The following SLC44A1 variants were observed in gnomAD, a reference collection of about 807,000 sequenced individuals.
SLC44A1 encodes solute carrier family 44 member 1, also known as choline transporter-like protein 1.
Under a neutral mutation model 79.3 loss-of-function variants are expected in SLC44A1, and 26 were observed. The observed-to-expected ratio is 0.33, with a 90% CI of 0.24 to 0.46. SLC44A1 has a LOEUF of 0.46. Ranked by LOEUF, SLC44A1 falls within the 20% of genes least tolerant of loss-of-function variation. The probability of loss-of-function intolerance (pLI) is 1.00; values close to 1 mark genes in which losing one functional copy is unlikely to be tolerated. For missense variants in SLC44A1, 688 were observed against 798.1 expected, an observed-to-expected ratio of 0.86 and a Z score of 1.66; for synonymous variants, 263 against 286.2, an observed-to-expected ratio of 0.92 and a Z score of 0.82.
intron 15 of SLC44A1, among the ~76,000 whole-genome samples, chr9:105,387,722 A>G (rs910910027): frequency 5.3e-5 from 8 of 152,170 alleles, no homozygotes; most frequent in African/African-American, 1.9e-4. Context: ...TCGAGGTTGA[A>G]GACTAGGTAA....
At position 105,394,680 on chromosome 9, in the gene SLC44A1, T is replaced by C; in HGVS notation, c.*5624T>C. The C allele has an allele frequency of 1.0e-6, 1 of 985,394 alleles. No homozygotes were observed. The allele number at this position is 985,394 out of a possible 1,614,324, so 61.0% of individuals were successfully genotyped here. Reference sequence around the variant, plus strand: ...AAATATATTTGTCAACATGTCCAGTTCCAACAACAGTTGAAGATGATGATA... The same window carrying C: ...AAATATATTTGTCAACATGTCCAGTCCCAACAACAGTTGAAGATGATGATA... On this transcript the variant is annotated 3_prime_UTR_variant, in exon 16 of 16. Coordinates refer to ENST00000374720, the MANE Select transcript of SLC44A1 (RefSeq NM_080546.5).
At chr9:105,376,248 A>G (rs941457995) in intron 13 of SLC44A1, among the ~76,000 whole-genome samples, 6 of 151,540 alleles carry the variant, frequency 4.0e-5, no homozygotes, top group Non-Finnish European at 7.4e-5. Flanking sequence ...TTGTTTACGT[A>G]TTTATAATTT....
chr9:105,251,049 T>C (rs1438831429), intron 1 of SLC44A1, among the ~76,000 whole-genome samples: 6 of 152,276 alleles, frequency 3.9e-5, no homozygotes. Flanking sequence ...TCGTATGGCT[T>C]CAGTTACAGT....
chr9:105,259,168 C>G (rs1829784320), intron 1 of SLC44A1, among the ~76,000 whole-genome samples: 1 of 152,132 alleles, frequency 6.6e-6, no homozygotes, highest in African/African-American at 2.4e-5. Flanking sequence ...CAGGGCCCTT[C>G]CATATTTTCT....
chr9:105,412,662 C>T (rs557255794), intron 15 of SLC44A1, among the ~76,000 whole-genome samples: 13 of 152,054 alleles, frequency 8.5e-5, no homozygotes, highest in East Asian at 3.9e-4. Context: ...AGTGCAGTGG[C>T]GCCATCTCAG....
chr9:105,279,316 ACT>A (rs1491423285), intron 1 of SLC44A1, among the ~76,000 whole-genome samples: 2 of 149,300 alleles, frequency 1.3e-5, no homozygotes, highest in African/African-American at 4.9e-5. Flanking sequence ...GGAAAAGAAA[ACT>A]TTTTTTTTTT....
chr9:105,362,766 T>C (rs1827818525), intron 8 of SLC44A1, 55 bp from the exon 9 acceptor site: 1 of 1,357,400 alleles, frequency 7.4e-7, no homozygotes, highest in South Asian at 1.6e-5. Flanking sequence ...TCTACTATTT[T>C]CGGTTTCTGT....
At chr9:105,261,887 C>G (rs1588709897) in intron 1 of SLC44A1, among the ~76,000 whole-genome samples, 1 of 148,064 alleles carries the variant, frequency 6.8e-6, no homozygotes, top group South Asian at 2.2e-4. Flanking sequence ...TCAAGTGATT[C>G]TCCTATCTCA....
intron 4 of SLC44A1, among the ~76,000 whole-genome samples, chr9:105,336,776 G>T (rs1187830172): frequency 1.3e-5 from 2 of 152,194 alleles, no homozygotes; most frequent in Non-Finnish European, 2.9e-5. Flanking sequence ...CAGCCTCCCA[G>T]GCTGGCAGTA....
chr9:105,384,875 C>G (rs1228562330), intron 14 of SLC44A1, among the ~76,000 whole-genome samples: 1 of 152,196 alleles, frequency 6.6e-6, no homozygotes, highest in East Asian at 1.9e-4. Flanking sequence ...TTGATACACC[C>G]TGTCTTCCTG....
intron 7 of SLC44A1, among the ~76,000 whole-genome samples, chr9:105,359,065 C>A (rs933897544): frequency 6.6e-6 from 1 of 152,078 alleles, no homozygotes; most frequent in East Asian, 1.9e-4. Flanking sequence ...CTTTTGTACT[C>A]GGGTTATAAT....
In SLC44A1 at chr9:105,351,596, G is replaced by GAGAAAGAA. The variant is rs1554797146; in HGVS notation, c.500+3165_500+3172dup. Among the ~76,000 whole-genome samples, 38 of 113,532 alleles carry GAGAAAGAA rather than the reference G, an allele frequency of 3.3e-4. 1 individual carries two copies. The highest frequency in any genetic ancestry group is 1.3e-3 in the South Asian group (5 of 3,758). The allele number at this position is 113,532 out of a possible 152,430, so 74.5% of individuals were successfully genotyped here. Reference sequence around the variant, plus strand: ...AGAGAGAAAGAGAGAAAGAGAGAAAGAGAAAGAAAGAAAGAAAGAAAGAAA... The same window carrying GAGAAAGAA: ...AGAGAGAAAGAGAGAAAGAGAGAAAGAGAAAGAAAGAAAGAAAGAAAGAAAGAAAGAAA... On this transcript the variant is annotated intron_variant, in intron 5 of 15. Transcript: ENST00000374720.
intron 1 of SLC44A1, among the ~76,000 whole-genome samples, chr9:105,257,417 G>T (rs73510223): frequency 1.9e-4 from 29 of 152,120 alleles, no homozygotes; most frequent in African/African-American, 6.5e-4. Flanking sequence ...GTAGAGACGA[G>T]GTCTTGTCTC....
In SLC44A1 at chr9:105,395,876, C is replaced by G. The variant is rs536092203; in HGVS notation, c.*6820C>G. ...AAATGTGAGCTCCTTCTTCATTTAC[C>G]ATGTTGATAATCCGGTGGTGACTTT... On this transcript the variant is annotated 3_prime_UTR_variant, in exon 16 of 16. Transcript: ENST00000374720. 1 of 981,312 alleles carries G rather than the reference C, an allele frequency of 1.0e-6. No individual in the cohort carries two copies. Among genetic ancestry groups the G allele is most frequent in the South Asian group, 4.7e-5 (1 of 21,188 alleles). The allele number at this position is 981,312 out of a possible 1,614,324, so 60.8% of individuals were successfully genotyped here. A position where few individuals can be genotyped will look rare whatever the true frequency, so the allele number is the denominator to read the frequency against.
At chr9:105,380,032 T>C (rs1428117430) in intron 13 of SLC44A1, among the ~76,000 whole-genome samples, 2 of 152,192 alleles carry the variant, frequency 1.3e-5, no homozygotes, top group African/African-American at 2.4e-5. Context: ...GTTGCACTTA[T>C]GATGGCAAGA....
At chr9:105,270,177 T>A (rs1338106373) in intron 1 of SLC44A1, among the ~76,000 whole-genome samples, 1 of 152,180 alleles carries the variant, frequency 6.6e-6, no homozygotes, top group African/African-American at 2.4e-5. Flanking sequence ...CTCAGTGATG[T>A]TTCGTGCATG....
Position 105,348,339 on chromosome 9 carries a change from A to G in SLC44A1, c.407-19A>G. 7.0e-7 allele frequency: 1 copy of G among 1,427,384 alleles called. No homozygotes were observed. The highest frequency in any genetic ancestry group is 9.8e-7 in the Non-Finnish European group (1 of 1,015,544). 88.4% of individuals were successfully genotyped at this position (1,427,384 alleles called of 1,614,324 possible). ...TTTTCAGACTGTTCTGCCACCTAACATAATTTTTCTTTCAACAGGTTCAGC... is the reference window on the plus strand; with the variant it reads ...TTTTCAGACTGTTCTGCCACCTAACGTAATTTTTCTTTCAACAGGTTCAGC... On this transcript the variant is annotated intron_variant, in intron 4 of 15. Transcript: ENST00000374720.
At chr9:105,363,521 G>A (rs1392454482) in intron 9 of SLC44A1, among the ~76,000 whole-genome samples, 1 of 151,332 alleles carries the variant, frequency 6.6e-6, no homozygotes, top group Non-Finnish European at 1.5e-5. Flanking sequence ...CTGGAGTGCA[G>A]TGGTGTGATC....
At chr9:105,383,051 C>A in intron 13 of SLC44A1, 72 bp from the exon 14 acceptor site, 1 of 1,038,958 alleles carries the variant, frequency 9.6e-7, no homozygotes, top group Non-Finnish European at 1.5e-6. Context: ...AATTTTAAGT[C>A]TGCAAATGGT....
Sources: gnomAD v4.1 joint callset for allele counts (sites outside exome capture counted in the v4.1 genomes callset) on GRCh38, gnomAD v4.1.1 for gene constraint, MANE v1.5 for transcripts, NCBI Gene and HGNC (gene_info 2026-07-23, HGNC 2026-07-21) for gene names.